Variants in PBX3 observed in about 807,000 individuals in gnomAD.
PBX3 encodes PBX homeobox 3.
Under a neutral mutation model 48.5 loss-of-function variants are expected in PBX3, and 14 were observed. The ratio of observed to expected loss-of-function variants is 0.29; its 90% CI spans 0.19 to 0.45. PBX3 has a LOEUF of 0.45. PBX3 is among the 20% of genes least tolerant of loss of function. The probability of loss-of-function intolerance (pLI) is 1.00; values close to 1 mark genes in which losing one functional copy is unlikely to be tolerated. For missense variants in PBX3, 386 were observed against 546.7 expected (o/e 0.71, Z 2.93); for synonymous variants, 210 against 200.3 (o/e 1.05, Z -0.41).
At chr9:125,880,703 G>T (rs904436800) in intron 2 of PBX3, among the ~76,000 whole-genome samples, 1 of 152,018 alleles carries the variant, frequency 6.6e-6, no homozygotes, top group African/African-American at 2.4e-5. Flanking sequence ...GTAATTTGTG[G>T]TAATCATTTA....
At chr9:125,942,814 AAG>A (rs1240014935) in intron 5 of PBX3, among the ~76,000 whole-genome samples, 1 of 152,220 alleles carries the variant, frequency 6.6e-6, no homozygotes, top group African/African-American at 2.4e-5. Context: ...CAGAGAATAA[AAG>A]AGCAGGTTGT....
intron 3 of PBX3, among the ~76,000 whole-genome samples, chr9:125,918,708 G>A (rs1336989360): frequency 6.6e-6 from 1 of 152,164 alleles, no homozygotes; most frequent in Non-Finnish European, 1.5e-5. Flanking sequence ...TGTAGGTTTG[G>A]AATTGTTTTA....
chr9:125,861,507 A>G (rs1839863112), intron 2 of PBX3, among the ~76,000 whole-genome samples: 1 of 152,092 alleles, frequency 6.6e-6, no homozygotes, highest in African/African-American at 2.4e-5. Context: ...ATGAAAATAT[A>G]TCTGCAGAAA....
At chr9:125,836,778 A>G (rs1300460185) in intron 2 of PBX3, among the ~76,000 whole-genome samples, 3 of 152,256 alleles carry the variant, frequency 2.0e-5, no homozygotes, top group African/African-American at 7.2e-5. Context: ...TAAATATGTA[A>G]AACTACTATG....
chr9:125,748,893 C>T (rs1836287639), intron 2 of PBX3: 2 of 329,780 alleles, frequency 6.1e-6, no homozygotes, highest in Non-Finnish European at 1.1e-5. Flanking sequence ...GGGAGGGGGC[C>T]CGGAGCGCCA....
chr9:125,834,437 G>C (rs1839059857), intron 2 of PBX3, among the ~76,000 whole-genome samples: 2 of 151,800 alleles, frequency 1.3e-5, no homozygotes, highest in Admixed American at 1.3e-4. Context: ...GTCTCACTCT[G>C]TCCAGGCTGG....
At chr9:125,950,564 C>T (rs1842173743) in intron 5 of PBX3, among the ~76,000 whole-genome samples, 2 of 151,776 alleles carry the variant, frequency 1.3e-5, no homozygotes, top group Admixed American at 6.6e-5. Flanking sequence ...ACTGCAACCT[C>T]CACCTCCCAG....
At chr9:125,754,627 C>T (rs144375864) in intron 2 of PBX3, among the ~76,000 whole-genome samples, 9 of 152,052 alleles carry the variant, frequency 5.9e-5, no homozygotes, top group Non-Finnish European at 1.0e-4. Flanking sequence ...TAATCTTCAA[C>T]ACTTGATTCT....
At chr9:125,924,460 A>G (rs1841526501) in intron 3 of PBX3, among the ~76,000 whole-genome samples, 1 of 152,230 alleles carries the variant, frequency 6.6e-6, no homozygotes, top group Non-Finnish European at 1.5e-5. Context: ...TTTTGATATT[A>G]CACCAAAACT....
At chr9:125,790,181 G>T (rs1252416113) in intron 2 of PBX3, among the ~76,000 whole-genome samples, 1 of 152,118 alleles carries the variant, frequency 6.6e-6, no homozygotes, top group East Asian at 1.9e-4. Flanking sequence ...ATGAGGGAAA[G>T]ATAATTTTGA....
rs192789346 is a variant in PBX3 at position 125,929,629 on chromosome 9, G to A, written c.517-26G>A. ...CGTGTGATAGTAGATAGTTTCCAAA[G>A]GAGTGATTTTTTTTTCCCATTACAG... On this transcript the variant is annotated intron_variant, in intron 3 of 8. Transcript: ENST00000373489. 1,030 of 1,549,630 alleles carry A rather than the reference G, an allele frequency of 6.6e-4. 5 individuals are homozygous for A. Among genetic ancestry groups the A allele is most frequent in the Middle Eastern group, 6.1e-3 (36 of 5,864 alleles).
chr9:125,811,979 A>C (rs915254737), intron 2 of PBX3, among the ~76,000 whole-genome samples: 2 of 152,146 alleles, frequency 1.3e-5, no homozygotes, highest in Non-Finnish European at 2.9e-5. Context: ...CACCCTCATG[A>C]ATTATATTAA....
intron 5 of PBX3, chr9:125,949,345 C>A: frequency 6.5e-7 from 1 of 1,550,180 alleles, no homozygotes. Flanking sequence ...AGTTGTCATC[C>A]ATTCAACCTA....
intron 5 of PBX3, among the ~76,000 whole-genome samples, chr9:125,956,049 G>A (rs1259290274): frequency 6.6e-6 from 1 of 152,162 alleles, no homozygotes; most frequent in Non-Finnish European, 1.5e-5. Flanking sequence ...TCTGTGGCCT[G>A]GATCTCTCGT....
intron 2 of PBX3, among the ~76,000 whole-genome samples, chr9:125,765,246 T>C (rs1836772249): frequency 6.6e-6 from 1 of 151,472 alleles, no homozygotes; most frequent in Admixed American, 6.6e-5. Flanking sequence ...GCCTCCCGGC[T>C]CAAGTGATCC....
intron 2 of PBX3, among the ~76,000 whole-genome samples, chr9:125,878,831 A>AGT (rs1393554818): frequency 6.6e-6 from 1 of 152,184 alleles, no homozygotes; most frequent in African/African-American, 2.4e-5. Context: ...CAAAGTCGTT[A>AGT]GTGATATAAG....
At chr9:125,824,815 A>G (rs1024061083) in intron 2 of PBX3, among the ~76,000 whole-genome samples, 26 of 151,786 alleles carry the variant, frequency 1.7e-4, no homozygotes, top group African/African-American at 5.8e-4. Flanking sequence ...AGCTGTTGTT[A>G]TGTAACAATA....
At chr9:125,961,950 G>A in intron 6 of PBX3, 152 bp from the exon 7 acceptor site, 1 of 463,492 alleles carries the variant, frequency 2.2e-6, no homozygotes, top group Non-Finnish European at 3.9e-6. Flanking sequence ...CCAACTCTCT[G>A]GAGTTACTCT....
chr9:125,915,629 A>C (rs1841310561), intron 2 of PBX3, 57 bp from the exon 3 acceptor site: 9 of 1,339,374 alleles, frequency 6.7e-6, no homozygotes, highest in Non-Finnish European at 9.2e-6. Context: ...TACTCACACT[A>C]TTTGTCCTCT....
Sources: allele counts gnomAD v4.1 joint callset (sites outside exome capture counted in the v4.1 genomes callset), GRCh38; gene constraint gnomAD v4.1.1; transcripts MANE v1.5; gene names NCBI Gene and HGNC (gene_info 2026-07-23, HGNC 2026-07-21).